GPR158: variants seen among roughly 807,000 people sequenced by gnomAD.
The protein encoded by GPR158 is metabotropic glycine receptor.
A neutral mutation model predicts 78.2 loss-of-function variants in GPR158; 30 were observed. That is an observed-to-expected ratio of 0.38 (90% CI 0.29 to 0.52). The LOEUF (loss-of-function observed/expected upper bound fraction) is 0.52, where lower values mean the gene tolerates loss of function less well. GPR158 is among the 20% of genes least tolerant of loss of function. The pLI is 0.83. For synonymous variants in GPR158, 581 were observed against 591.1 expected (o/e 0.98, Z 0.25); for missense variants, 1,463 against 1,523.5 (o/e 0.96, Z 0.66).
rs574464516 is a variant in GPR158 at position 25,442,550 on chromosome 10, G to A, written c.1336-24101G>A. ...AACTGCCTAATTGACATCTCTGCTT[G>A]TATATTAATACTCCAGTATATTAAT... On this transcript the variant is annotated intron_variant, in intron 4 of 10. Transcript: ENST00000376351. Among the ~76,000 whole-genome samples the A allele has an allele frequency of 5.3e-5, 8 of 151,980 alleles. No homozygotes were observed. The South Asian group carries it at 8.3e-4, about 16-fold the overall frequency.
At chr10:25,500,770 A>G (rs1835939182) in intron 5 of GPR158, among the ~76,000 whole-genome samples, 4 of 152,270 alleles carry the variant, frequency 2.6e-5, no homozygotes. Flanking sequence ...AACAGCATTT[A>G]CAGTCACAAA....
chr10:25,487,579 G>A (rs939696400), intron 5 of GPR158, among the ~76,000 whole-genome samples: 1 of 152,118 alleles, frequency 6.6e-6, no homozygotes, highest in African/African-American at 2.4e-5. Context: ...TGCCTCTTAC[G>A]AGCTTTGTGA....
chr10:25,269,152 A>G (rs559060533), intron 2 of GPR158, among the ~76,000 whole-genome samples: 2 of 152,232 alleles, frequency 1.3e-5, no homozygotes, highest in Non-Finnish European at 2.9e-5. Context: ...AATTTCTGAC[A>G]ATAAATCGTA....
At chr10:25,558,694 G>A (rs573739011) in intron 6 of GPR158, among the ~76,000 whole-genome samples, 2 of 152,292 alleles carry the variant, frequency 1.3e-5, no homozygotes, top group South Asian at 4.1e-4. Flanking sequence ...CAACTGAGTT[G>A]TGTTTTTATT....
chr10:25,257,240 G>A (rs912481693), intron 2 of GPR158, among the ~76,000 whole-genome samples: 26 of 152,124 alleles, frequency 1.7e-4, no homozygotes, highest in African/African-American at 6.0e-4. Context: ...ACTTACTCCT[G>A]TAATAGGAGC....
chr10:25,493,569 C>G (rs920949232), intron 5 of GPR158, among the ~76,000 whole-genome samples: 3 of 152,170 alleles, frequency 2.0e-5, no homozygotes, highest in African/African-American at 7.2e-5. Flanking sequence ...ACTCAGGAAA[C>G]TCCCTAGACT....
At chr10:25,475,832 T>C (rs1030257696) in intron 5 of GPR158, 1 of 152,178 alleles carries the variant, frequency 6.6e-6, no homozygotes, top group Admixed American at 6.5e-5. Flanking sequence ...GAATTGTTTT[T>C]AGGGCTAGCT....
intron 1 of GPR158, among the ~76,000 whole-genome samples, chr10:25,181,130 T>A (rs907432608): frequency 1.3e-5 from 2 of 152,188 alleles, no homozygotes; most frequent in African/African-American, 4.8e-5. Flanking sequence ...ATACCCTATG[T>A]CTTTCTTATA....
chr10:25,280,881 A>T lies in GPR158; in HGVS notation c.1008+59724A>T, dbSNP rs933347659. On this transcript the variant is annotated intron_variant, in intron 2 of 10. Coordinates refer to ENST00000376351, the MANE Select transcript of GPR158 (RefSeq NM_020752.3). Reference sequence around the variant, plus strand: ...TTGGACGTGGTGGCTCGTGCCTATAATCCCAGCACTTTGGGAGGCTGAAGG... The same window carrying T: ...TTGGACGTGGTGGCTCGTGCCTATATTCCCAGCACTTTGGGAGGCTGAAGG... 6.6e-5 allele frequency among the ~76,000 whole-genome samples: 10 copies of T among 152,134 alleles called. 1 individual carries two copies. The highest frequency in any genetic ancestry group is 3.9e-4 in the Admixed American group (6 of 15,260).
At chr10:25,506,834 C>G (rs1453331755) in intron 5 of GPR158, among the ~76,000 whole-genome samples, 1 of 152,172 alleles carries the variant, frequency 6.6e-6, no homozygotes, top group Non-Finnish European at 1.5e-5. Flanking sequence ...TTAGCTTTTG[C>G]TACATATTGC....
chr10:25,251,724 T>C (rs1189089452), intron 2 of GPR158, among the ~76,000 whole-genome samples: 1 of 151,702 alleles, frequency 6.6e-6, no homozygotes, highest in African/African-American at 2.4e-5. Context: ...TAACCCGACC[T>C]TTCTCTCTGG....
At chr10:25,478,493 C>CGTGT (rs71399974) in intron 5 of GPR158, among the ~76,000 whole-genome samples, 381 of 145,172 alleles carry the variant, frequency 2.6e-3, no homozygotes, top group African/African-American at 4.4e-3. Flanking sequence ...ATATATAATG[C>CGTGT]GTGTGTGTGT....
intron 2 of GPR158, among the ~76,000 whole-genome samples, chr10:25,249,930 T>C (rs1319484812): frequency 7.4e-6 from 1 of 135,660 alleles, no homozygotes; most frequent in East Asian, 2.2e-4. Flanking sequence ...CGGCTGTGAA[T>C]CCATCTGGTC....
intron 4 of GPR158, 92 bp downstream of exon 4, chr10:25,412,565 C>T (rs1451687811): frequency 2.5e-6 from 2 of 807,602 alleles, no homozygotes; most frequent in Non-Finnish European, 4.2e-6. Flanking sequence ...AGTTGCTTCC[C>T]TCCTAAGCAG....
chr10:25,284,080 T>C (rs1403070435), intron 2 of GPR158, among the ~76,000 whole-genome samples: 1 of 152,036 alleles, frequency 6.6e-6, no homozygotes, highest in South Asian at 2.1e-4. Context: ...AAATAAGATA[T>C]ATTCTGCTTT....
At chr10:25,180,425 C>T (rs1399028653) in intron 1 of GPR158, among the ~76,000 whole-genome samples, 1 of 152,172 alleles carries the variant, frequency 6.6e-6, no homozygotes, top group Non-Finnish European at 1.5e-5. Context: ...TATAGTCTTT[C>T]CACCATCCTG....
At chr10:25,413,662 C>T (rs1834623021) in intron 4 of GPR158, among the ~76,000 whole-genome samples, 1 of 152,100 alleles carries the variant, frequency 6.6e-6, no homozygotes, top group Non-Finnish European at 1.5e-5. Context: ...AAAAAATACC[C>T]TCTGTGAATG....
chr10:25,203,963 GA>G lies in GPR158; in HGVS notation c.903-17088del, dbSNP rs1332655580. On this transcript the variant is annotated intron_variant, in intron 1 of 10. Transcript: ENST00000376351. ...GCAGTGGTTTGTACTTCTCCTTGAA[GA>G]GGGCCTTCACGTCCCTTGTAAGTGG... Among the ~76,000 whole-genome samples, 14 of 132,752 alleles carry G rather than the reference GA, an allele frequency of 1.1e-4. 2 individuals carry two copies. The highest frequency in any genetic ancestry group is 2.4e-4 in the Admixed American group (3 of 12,678). The allele number at this position is 132,752 out of a possible 152,430, so 87.1% of individuals were successfully genotyped here.
chr10:25,389,007 A>G (rs1434889932), intron 2 of GPR158, among the ~76,000 whole-genome samples: 1 of 152,204 alleles, frequency 6.6e-6, no homozygotes, highest in Non-Finnish European at 1.5e-5. Flanking sequence ...GGCACCAATG[A>G]GCATGGGAGG....
Sources: allele counts gnomAD v4.1 joint callset (sites outside exome capture counted in the v4.1 genomes callset), GRCh38; gene constraint gnomAD v4.1.1; transcripts MANE v1.5; gene names NCBI Gene and HGNC (gene_info 2026-07-23, HGNC 2026-07-21).